TRAPPC8: variants seen among roughly 807,000 people sequenced by gnomAD.
TRAPPC8 encodes the protein trafficking protein particle complex subunit 8.
TRAPPC8 carries 54 observed loss-of-function variants against 174.3 expected under a neutral mutation model. That is an observed-to-expected ratio of 0.31 (90% CI 0.25 to 0.39). TRAPPC8 has a LOEUF of 0.39. Ranked by LOEUF, TRAPPC8 falls within the 10% of genes least tolerant of loss-of-function variation. The pLI, the probability that TRAPPC8 is intolerant of heterozygous loss-of-function variation, is 1.00. For synonymous variants in TRAPPC8, 630 were observed against 579.9 expected, an observed-to-expected ratio of 1.09 and a Z score of -1.24; for missense variants, 1,531 against 1,699.1, an observed-to-expected ratio of 0.90 and a Z score of 1.74.
chr18:31,918,502 G>A (rs1375788488), intron 2 of TRAPPC8, among the ~76,000 whole-genome samples: 1 of 152,154 alleles, frequency 6.6e-6, no homozygotes, highest in East Asian at 1.9e-4. Flanking sequence ...TCTGGGGTAG[G>A]TGGCTTATGC....
At chr18:31,861,080 G>A (rs1480586526) in intron 19 of TRAPPC8, among the ~76,000 whole-genome samples, 1 of 152,156 alleles carries the variant, frequency 6.6e-6, no homozygotes, top group African/African-American at 2.4e-5. Context: ...ACTCCTATCA[G>A]GAAACCCATA....
At chr18:31,916,015 C>T (rs1427970080) in intron 4 of TRAPPC8, among the ~76,000 whole-genome samples, 25 of 150,432 alleles carry the variant, frequency 1.7e-4, no homozygotes, top group African/African-American at 5.6e-4. Context: ...CAAGATCGTG[C>T]CACTGCACTC....
chr18:31,880,004 C>A (rs2035340535), intron 12 of TRAPPC8, among the ~76,000 whole-genome samples: 1 of 142,970 alleles, frequency 7.0e-6, no homozygotes, highest in Non-Finnish European at 1.5e-5. Context: ...CCAAATGAAG[C>A]CCAAGATAGC....
intron 18 of TRAPPC8, among the ~76,000 whole-genome samples, chr18:31,865,004 CA>C (rs1200162412): frequency 1.3e-5 from 2 of 151,742 alleles, no homozygotes; most frequent in Non-Finnish European, 2.9e-5. Flanking sequence ...ATATACTTTG[CA>C]AAAAAAGACT....
At chr18:31,893,039 A>C (rs1284587954) in intron 11 of TRAPPC8, among the ~76,000 whole-genome samples, 1 of 149,518 alleles carries the variant, frequency 6.7e-6, no homozygotes, top group African/African-American at 2.4e-5. Context: ...AAAAAAAAAA[A>C]AACAACATCT....
At chr18:31,843,787 C>T (rs1172183826) in intron 26 of TRAPPC8, among the ~76,000 whole-genome samples, 2 of 152,140 alleles carry the variant, frequency 1.3e-5, no homozygotes, top group Non-Finnish European at 2.9e-5. Context: ...ATAGACGGAA[C>T]AATGTGAAAA....
intron 1 of TRAPPC8, among the ~76,000 whole-genome samples, chr18:31,942,038 T>C (rs1000178256): frequency 6.6e-6 from 1 of 152,228 alleles, no homozygotes; most frequent in South Asian, 2.1e-4. Flanking sequence ...TTTATTCTTC[T>C]TATAATACTT....
chr18:31,849,765 C>G, intron 24 of TRAPPC8, 26 bp from the exon 25 acceptor site: 1 of 1,550,442 alleles, frequency 6.4e-7, no homozygotes, highest in Non-Finnish European at 8.7e-7. Flanking sequence ...CACTTGTGTT[C>G]ATAAATGCTT....
chr18:31,932,901 G>C (rs1430510765), intron 1 of TRAPPC8, among the ~76,000 whole-genome samples: 2 of 147,866 alleles, frequency 1.4e-5, no homozygotes, highest in African/African-American at 5.0e-5. Flanking sequence ...AGAATCACTT[G>C]AATGCGGAGG....
chr18:31,924,236 G>C (rs1337276431), intron 2 of TRAPPC8, among the ~76,000 whole-genome samples: 3 of 151,836 alleles, frequency 2.0e-5, no homozygotes, highest in Non-Finnish European at 4.4e-5. Context: ...AGTGAGCCGA[G>C]GTCGCGCCAT....
chr18:31,878,567 A>G (rs1429436330), intron 12 of TRAPPC8, among the ~76,000 whole-genome samples: 2 of 152,214 alleles, frequency 1.3e-5, no homozygotes, highest in Non-Finnish European at 2.9e-5. Flanking sequence ...GTAAGTACAA[A>G]GTTCAAAGAT....
chr18:31,834,018 A>AC (rs1400696200), intron 27 of TRAPPC8, among the ~76,000 whole-genome samples: 1 of 151,268 alleles, frequency 6.6e-6, no homozygotes, highest in African/African-American at 2.4e-5. Context: ...AAAAAACAAA[A>AC]AACAGAAATT....
intron 14 of TRAPPC8, 69 bp from the exon 15 acceptor site, chr18:31,871,189 A>G (rs1372438791): frequency 3.2e-6 from 3 of 925,076 alleles, no homozygotes; most frequent in Non-Finnish European, 4.6e-6. Context: ...TTAAATAGAC[A>G]TAAGGTACAG....
At chr18:31,930,480 C>A (rs186825749) in intron 2 of TRAPPC8, among the ~76,000 whole-genome samples, 2 of 152,100 alleles carry the variant, frequency 1.3e-5, no homozygotes, top group African/African-American at 4.8e-5. Flanking sequence ...TATAAACTAT[C>A]CTGGCCTAAA....
rs1473434318 is a variant in TRAPPC8, at chr18:31,942,636, A to C, written c.129T>G (p.Leu43=). ...RLNHLSFAEL[L]KPFSRLTSEV... is the part of the protein sequence containing the mutation. ...CGGAAGTGAGGCGGGAGAAGGGCTT[A>C]AGCAGCTCCGCGAAGCTGAGGTGAT... Residue 43 remains leucine, a synonymous_variant, in exon 1 of 29, where the codon CTT becomes CTG. Coordinates refer to ENST00000283351, the MANE Select transcript of TRAPPC8 (RefSeq NM_014939.5). The C allele has an allele frequency of 1.2e-6, 2 of 1,610,926 alleles. No homozygotes were observed. Among genetic ancestry groups the C allele is most frequent in the Admixed American group, 1.7e-5 (1 of 59,446 alleles).
intron 5 of TRAPPC8, among the ~76,000 whole-genome samples, chr18:31,911,365 C>T (rs1038697609): frequency 6.6e-5 from 10 of 151,282 alleles, no homozygotes; most frequent in Non-Finnish European, 1.3e-4. Context: ...AAAAATGAAT[C>T]GCTTGAACCC....
intron 1 of TRAPPC8, chr18:31,937,724 G>C (rs1377333521): frequency 6.6e-6 from 1 of 151,876 alleles, no homozygotes; most frequent in African/African-American, 2.4e-5. Context: ...GTTTTTTTGA[G>C]ACAGAGTCTC....
At chr18:31,927,958 A>C (rs934371599) in intron 2 of TRAPPC8, among the ~76,000 whole-genome samples, 7 of 151,670 alleles carry the variant, frequency 4.6e-5, no homozygotes, top group African/African-American at 1.7e-4. Flanking sequence ...AGTTTTAGAC[A>C]AACGTGGCCA....
At chr18:31,867,013 T>C (rs2034619283) in intron 17 of TRAPPC8, 38 bp from the exon 18 acceptor site, 2 of 1,606,216 alleles carry the variant, frequency 1.2e-6, no homozygotes, top group Non-Finnish European at 1.7e-6. Context: ...TATGTTTTCA[T>C]AATATCTTAA....
Sources: gnomAD v4.1 joint callset for allele counts (sites outside exome capture counted in the v4.1 genomes callset) on GRCh38, gnomAD v4.1.1 for gene constraint, MANE v1.5 for transcripts, NCBI Gene and HGNC (gene_info 2026-07-23, HGNC 2026-07-21) for gene names.